The following SNX29 variants were observed in gnomAD, a reference collection of about 807,000 sequenced individuals.
SNX29 encodes sorting nexin-29.
A neutral mutation model predicts 102.1 loss-of-function variants in SNX29; 78 were observed. That is an observed-to-expected ratio of 0.76 (90% CI 0.64 to 0.92). SNX29 has a LOEUF of 0.92. Among genes scored for constraint, SNX29 ranks in the 40% least tolerant of loss-of-function variants. The probability of loss-of-function intolerance (pLI) is 0.00; values close to 1 mark genes in which losing one functional copy is unlikely to be tolerated. For missense variants in SNX29, 1,280 were observed against 1,061.7 expected, an observed-to-expected ratio of 1.21 and a Z score of -2.86; for synonymous variants, 580 against 414.5, an observed-to-expected ratio of 1.40 and a Z score of -4.85.
chr16:12,451,163 G>A (rs895316953), intron 18 of SNX29, among the ~76,000 whole-genome samples: 5 of 152,130 alleles, frequency 3.3e-5, no homozygotes, highest in African/African-American at 4.8e-5. Flanking sequence ...CTACTCGCTG[G>A]CCTCCAAACT....
chr16:12,204,113 G>A (rs944835726), intron 14 of SNX29, among the ~76,000 whole-genome samples: 4 of 152,156 alleles, frequency 2.6e-5, no homozygotes, highest in African/African-American at 9.7e-5. Context: ...CATAGAGATT[G>A]GGAATGAGGC....
intron 13 of SNX29, among the ~76,000 whole-genome samples, chr16:12,161,366 A>G (rs1235317964): frequency 3.9e-5 from 6 of 152,168 alleles, no homozygotes; most frequent in Non-Finnish European, 5.9e-5. Flanking sequence ...GCTTTGGCCC[A>G]TGTGGTCACT....
At chr16:12,141,747 G>A (rs758761301) in intron 13 of SNX29, among the ~76,000 whole-genome samples, 1 of 152,232 alleles carries the variant, frequency 6.6e-6, no homozygotes, top group Non-Finnish European at 1.5e-5. Flanking sequence ...ATAATGAGCA[G>A]TGAGGACGAC....
chr16:12,451,112 G>C (rs145509138), intron 18 of SNX29, among the ~76,000 whole-genome samples: 8 of 152,256 alleles, frequency 5.3e-5, no homozygotes, highest in Non-Finnish European at 8.8e-5. Context: ...CAGAAGAGCC[G>C]CAGAGGTACT....
At chr16:12,198,792 A>G (rs958676047) in intron 13 of SNX29, among the ~76,000 whole-genome samples, 3 of 152,192 alleles carry the variant, frequency 2.0e-5, no homozygotes, top group Non-Finnish European at 4.4e-5. Flanking sequence ...ACTGCAGGCT[A>G]TTGTGCATTT....
intron 13 of SNX29, among the ~76,000 whole-genome samples, chr16:12,132,190 C>T (rs1161243403): frequency 6.6e-6 from 1 of 151,898 alleles, no homozygotes; most frequent in Non-Finnish European, 1.5e-5. Context: ...CCTCTGCCTC[C>T]CGGGTTCAGG....
At position 12,554,965 on chromosome 16, in the gene SNX29, T is replaced by TGGGGGCC. The variant is rs1317009791; in HGVS notation, c.2319-13540_2319-13539insGGGGCCG. 3.4e-4 allele frequency among the ~76,000 whole-genome samples: 51 copies of TGGGGGCC among 149,066 alleles called. 1 individual carries two copies. The highest frequency in any genetic ancestry group is 1.3e-3 in the African/African-American group (50 of 39,080). ...CCTCTGGAGAAAACAATGGAGGTGG[T>TGGGGGCC]GAGGGGGGTCAGTCAGCCGGAGCAC... is the stretch of plus-strand genomic sequence containing the variant. On this transcript the variant is annotated intron_variant, in intron 20 of 20. Coordinates refer to ENST00000566228, the MANE Select transcript of SNX29 (RefSeq NM_032167.5).
In SNX29 at chr16:12,506,138, T is replaced by C. The variant is rs193120994; in HGVS notation, c.2179-18564T>C. 2.1e-4 allele frequency among the ~76,000 whole-genome samples: 32 copies of C among 152,242 alleles called. No individual in the cohort carries two copies. The East Asian group carries it at 6.2e-3, about 29-fold the overall frequency. On this transcript the variant is annotated intron_variant, in intron 19 of 20. Coordinates refer to ENST00000566228, the MANE Select transcript of SNX29 (RefSeq NM_032167.5). Reference sequence around the variant, plus strand: ...AGCACACCTGGCTAGTTTTTGTATTTTTAGTAGAGACGGAGTTTCACCATG... The same window carrying C: ...AGCACACCTGGCTAGTTTTTGTATTCTTAGTAGAGACGGAGTTTCACCATG...
intron 20 of SNX29, among the ~76,000 whole-genome samples, chr16:12,555,481 C>T (rs1317622645): frequency 4.6e-5 from 7 of 151,456 alleles, no homozygotes; most frequent in African/African-American, 1.7e-4. Flanking sequence ...CTGAGGACGT[C>T]TTTCGTTGTG....
chr16:12,314,816 A>G (rs2080678682), intron 15 of SNX29, among the ~76,000 whole-genome samples: 1 of 152,212 alleles, frequency 6.6e-6, no homozygotes, highest in Admixed American at 6.5e-5. Context: ...AGGAAGAATA[A>G]AAGCCATCAT....
intron 15 of SNX29, among the ~76,000 whole-genome samples, chr16:12,301,406 C>A (rs551618707): frequency 6.6e-6 from 1 of 152,202 alleles, no homozygotes; most frequent in African/African-American, 2.4e-5. Flanking sequence ...ACTCCACCCT[C>A]CAGGGTCTTG....
chr16:12,162,395 G>C (rs931300782), intron 13 of SNX29, among the ~76,000 whole-genome samples: 1 of 152,180 alleles, frequency 6.6e-6, no homozygotes, highest in Non-Finnish European at 1.5e-5. Flanking sequence ...TAGATGAGGA[G>C]TTGGCAAATA....
chr16:12,573,388 T>TA lies in SNX29; in HGVS notation c.*4760dup, dbSNP rs2079227858. 2 of 223,092 alleles carry TA rather than the reference T, an allele frequency of 9.0e-6. No homozygotes were observed. The highest frequency in any genetic ancestry group is 2.2e-5 in the African/African-American group (1 of 44,778). 13.8% of individuals were successfully genotyped at this position (223,092 alleles called of 1,614,324 possible). The stretch of plus-strand genomic sequence containing the variant: ...CAACCAAGTTGCGTATCCTTCCTTA[T>TA]AGCTAGTTTCTATAGAGAAGTGAAA... On this transcript the variant is annotated 3_prime_UTR_variant, in exon 21 of 21. Coordinates refer to ENST00000566228, the MANE Select transcript of SNX29 (RefSeq NM_032167.5).
In SNX29 at chr16:12,222,131, A is replaced by G. The variant is rs1029005418; in HGVS notation, c.1678+22448A>G. On this transcript the variant is annotated intron_variant, in intron 14 of 20. Transcript: ENST00000566228. ...TAAGCCTACATAGGTAGGTGCTATT[A>G]CGATCTTCATTCTGCAGATGCAGAA... is the stretch of plus-strand genomic sequence containing the variant. Among the ~76,000 whole-genome samples, 3 of 152,374 alleles carry G rather than the reference A, an allele frequency of 2.0e-5. No individual in the cohort carries two copies. In the South Asian group the frequency reaches 6.2e-4, roughly 32 times the overall value.
At chr16:12,314,555 T>C (rs1338723674) in intron 15 of SNX29, among the ~76,000 whole-genome samples, 2 of 152,230 alleles carry the variant, frequency 1.3e-5, no homozygotes, top group Non-Finnish European at 2.9e-5. Flanking sequence ...CTAAATGAGT[T>C]AGTGTTTATG....
intron 14 of SNX29, among the ~76,000 whole-genome samples, chr16:12,201,636 A>G (rs2076917316): frequency 6.6e-6 from 1 of 152,218 alleles, no homozygotes; most frequent in South Asian, 2.1e-4. Flanking sequence ...ACCTCTTTCC[A>G]GGACACTGCC....
At chr16:12,543,941 A>T (rs560609812) in intron 20 of SNX29, among the ~76,000 whole-genome samples, 16 of 152,184 alleles carry the variant, frequency 1.1e-4, no homozygotes. Context: ...CTCTCGTTCT[A>T]AGCGAGGAGC....
At chr16:12,053,574 T>G (rs2151226370) in intron 8 of SNX29, among the ~76,000 whole-genome samples, 1 of 152,188 alleles carries the variant, frequency 6.6e-6, no homozygotes, top group African/African-American at 2.4e-5. Context: ...AAATGTATCT[T>G]TCTATCTGAC....
intron 16 of SNX29, among the ~76,000 whole-genome samples, chr16:12,393,452 T>A (rs751076978): frequency 1.3e-5 from 2 of 149,396 alleles, no homozygotes; most frequent in Non-Finnish European, 3.0e-5. Flanking sequence ...AGTTCGTGCC[T>A]ACATGTGCTG....
Sources: gnomAD v4.1 joint callset for allele counts (sites outside exome capture counted in the v4.1 genomes callset) on GRCh38, gnomAD v4.1.1 for gene constraint, MANE v1.5 for transcripts, NCBI Gene and HGNC (gene_info 2026-07-23, HGNC 2026-07-21) for gene names.